Variants in RTN4 observed in about 807,000 individuals in gnomAD.
The protein encoded by RTN4 is reticulon-4.
A neutral mutation model predicts 90.4 loss-of-function variants in RTN4; 32 were observed. That is an observed-to-expected ratio of 0.35 (90% CI 0.27 to 0.48). RTN4 has a LOEUF of 0.48. RTN4 is among the 20% of genes least tolerant of loss of function. The pLI is 0.99. For missense variants in RTN4, 1,706 were observed against 1,430.2 expected (o/e 1.19, Z -3.11); for synonymous variants, 629 against 552.5 (o/e 1.14, Z -1.94).
chr2:54,998,282 A>T (rs1172941039), intron 3 of RTN4, among the ~76,000 whole-genome samples: 3 of 151,998 alleles, frequency 2.0e-5, no homozygotes, highest in Admixed American at 2.0e-4. Context: ...TTAAAACTTT[A>T]AAAAAATAGT....
upstream of RTN4, among the ~76,000 whole-genome samples, chr2:55,053,459 G>A (rs968355277): frequency 2.0e-5 from 3 of 151,974 alleles, no homozygotes; most frequent in Non-Finnish European, 4.4e-5. Flanking sequence ...GGCTGAGGCG[G>A]GTAGATCTCT....
chr2:54,976,557 T>C (rs1213411705), intron 5 of RTN4, among the ~76,000 whole-genome samples: 1 of 152,210 alleles, frequency 6.6e-6, no homozygotes. Context: ...ATGTACACTT[T>C]TGTGTGCTAT....
At chr2:55,083,934 G>A (rs2105034106) in intron 1 of RTN4, among the ~76,000 whole-genome samples, 1 of 152,302 alleles carries the variant, frequency 6.6e-6, no homozygotes, top group African/African-American at 2.4e-5. Flanking sequence ...CTGAAACAGA[G>A]CTTAATTCCT....
chr2:55,068,842 T>A (rs1668439670), intron 2 of RTN4, among the ~76,000 whole-genome samples: 1 of 152,224 alleles, frequency 6.6e-6, no homozygotes, highest in Admixed American at 6.5e-5. Context: ...GGGTCAAGAT[T>A]TAATTAATAC....
upstream of RTN4, among the ~76,000 whole-genome samples, chr2:55,114,795 T>G (rs921432773): frequency 3.9e-5 from 6 of 152,188 alleles, no homozygotes; most frequent in African/African-American, 1.4e-4. Context: ...GTTCCTCCTC[T>G]GAAGCTTCCC....
chr2:55,075,771 C>A (rs1046564359), intron 2 of RTN4, among the ~76,000 whole-genome samples: 9 of 152,100 alleles, frequency 5.9e-5, no homozygotes, highest in Non-Finnish European at 8.8e-5. Flanking sequence ...GAATGGAGAA[C>A]CCATAAATAA....
the RTN4 span, among the ~76,000 whole-genome samples, chr2:55,136,495 C>T: frequency 6.6e-6 from 1 of 152,204 alleles, no homozygotes; most frequent in Admixed American, 6.5e-5. Context: ...TCCTTTTGTT[C>T]CTGCGCTAAA....
chr2:55,075,750 C>G (rs1472513754), intron 2 of RTN4, among the ~76,000 whole-genome samples: 1 of 152,070 alleles, frequency 6.6e-6, no homozygotes, highest in African/African-American at 2.4e-5. Context: ...GGCACATAGA[C>G]CAATGGAACA....
At position 55,062,430 on chromosome 2, in the gene RTN4, A is replaced by G. The variant is rs375221663; in HGVS notation, c.-63+18059T>C. Among the ~76,000 whole-genome samples, 12 of 152,160 alleles carry G rather than the reference A, an allele frequency of 7.9e-5. 1 individual carries two copies. The East Asian group carries it at 1.7e-3, about 22-fold the overall frequency. ...CCCCTAGACACTGCCGTGGGGTCAGAGCCCCACAGCCTGCGCGTCTGTGTG... is the reference window on the plus strand; with the variant it reads ...CCCCTAGACACTGCCGTGGGGTCAGGGCCCCACAGCCTGCGCGTCTGTGTG... On this transcript the variant is annotated intron_variant, in intron 2 of 3. Coordinates refer to the RTN4 transcript ENST00000427710.
chr2:54,980,496 T>A (rs1449886462), intron 5 of RTN4, among the ~76,000 whole-genome samples: 1 of 152,216 alleles, frequency 6.6e-6, no homozygotes, highest in Non-Finnish European at 1.5e-5. Flanking sequence ...AAAATAGATT[T>A]ATTCAAGAAT....
intron 1 of RTN4, among the ~76,000 whole-genome samples, chr2:55,094,126 C>T (rs987530306): frequency 8.6e-5 from 13 of 152,034 alleles, no homozygotes; most frequent in Non-Finnish European, 1.8e-4. Context: ...GGATGTGGAG[C>T]CTTTGGGGGG....
chr2:55,018,238 T>C (rs905701258), intron 3 of RTN4, among the ~76,000 whole-genome samples: 78 of 152,316 alleles, frequency 5.1e-4, no homozygotes, highest in African/African-American at 1.6e-3. Context: ...CCATAAATGA[T>C]AGTCTTCCCT....
rs1409906193 is a variant in RTN4 at position 54,972,456 on chromosome 2, A to AAAAC, written c.*696_*699dup. On this transcript the variant is annotated 3_prime_UTR_variant, in exon 9 of 9. Coordinates refer to ENST00000337526, the MANE Select transcript of RTN4 (RefSeq NM_020532.5). ...TCTATGTGTGTGGCATTTCATGTTGAAAACAGATGGTAGTGCTCCTAGAAA... is the reference window on the plus strand; with the variant it reads ...TCTATGTGTGTGGCATTTCATGTTGAAAACAAACAGATGGTAGTGCTCCTAGAAA... 5.9e-5 allele frequency: 9 copies of AAAAC among 152,594 alleles called. No individual in the cohort carries two copies. The highest frequency in any genetic ancestry group is 2.0e-4 in the Admixed American group (3 of 15,282). The allele number at this position is 152,594 out of a possible 1,614,324, so 9.5% of individuals were successfully genotyped here. A position where few individuals can be genotyped will look rare whatever the true frequency, so the allele number is the denominator to read the frequency against.
At chr2:55,086,144 C>T (rs975383728) in intron 1 of RTN4, among the ~76,000 whole-genome samples, 9 of 152,168 alleles carry the variant, frequency 5.9e-5, no homozygotes, top group African/African-American at 2.2e-4. Flanking sequence ...AATTAATCTA[C>T]ATTGAAAAGA....
the RTN4 span, among the ~76,000 whole-genome samples, chr2:55,129,733 T>G: frequency 6.6e-6 from 1 of 152,084 alleles, no homozygotes; most frequent in African/African-American, 2.4e-5. Flanking sequence ...AGCTAATTTT[T>G]TGTGTTTGTA....
chr2:55,137,687 G>A, the RTN4 span, among the ~76,000 whole-genome samples: 2 of 152,084 alleles, frequency 1.3e-5, no homozygotes, highest in Non-Finnish European at 2.9e-5. Flanking sequence ...TAAACTCCCT[G>A]AGTGTCTTCT....
the RTN4 span, among the ~76,000 whole-genome samples, chr2:55,136,431 C>G: frequency 2.0e-5 from 3 of 152,358 alleles, no homozygotes; most frequent in East Asian, 5.8e-4. Flanking sequence ...AAAGGCTAAA[C>G]AGCATACTTG....
chr2:55,072,058 A>T (rs1364802090), intron 2 of RTN4, among the ~76,000 whole-genome samples: 1 of 152,018 alleles, frequency 6.6e-6, no homozygotes, highest in Non-Finnish European at 1.5e-5. Context: ...AGCTCCCACC[A>T]CTATCCCAAA....
chr2:55,045,004 T>C (rs1330894943), intron 1 of RTN4, among the ~76,000 whole-genome samples: 2 of 152,168 alleles, frequency 1.3e-5, no homozygotes, highest in Admixed American at 6.5e-5. Flanking sequence ...ATCCACTTCC[T>C]GGGAACTTGG....
Sources: gnomAD v4.1 joint callset for allele counts (sites outside exome capture counted in the v4.1 genomes callset) on GRCh38, gnomAD v4.1.1 for gene constraint, MANE v1.5 for transcripts, NCBI Gene and HGNC (gene_info 2026-07-23, HGNC 2026-07-21) for gene names.